Variants in EIF2AK3 observed in about 807,000 individuals in gnomAD.
EIF2AK3 encodes eukaryotic translation initiation factor 2-alpha kinase 3.
Under a neutral mutation model 113.5 loss-of-function variants are expected in EIF2AK3, and 50 were observed. That is an observed-to-expected ratio of 0.44 (90% confidence interval 0.35 to 0.56). EIF2AK3 has a LOEUF of 0.56. Among genes scored for constraint, EIF2AK3 ranks in the 20% least tolerant of loss-of-function variants. EIF2AK3 has a pLI of 0.00. For missense variants in EIF2AK3, 1,185 were observed against 1,378.0 expected, an observed-to-expected ratio of 0.86 and a Z score of 2.22; for synonymous variants, 448 against 495.4, an observed-to-expected ratio of 0.90 and a Z score of 1.27.
chr2:88,590,319 G>T, intron 6 of EIF2AK3, 124 bp downstream of exon 6: 1 of 960,340 alleles, frequency 1.0e-6, no homozygotes, highest in Non-Finnish European at 1.6e-6. Context: ...CAAGGGCAAC[G>T]TACATCAGAG....
In EIF2AK3 at chr2:88,558,937, TA is replaced by T; in HGVS notation, c.3129del (p.Phe1043LeufsTer10). On this transcript the variant is annotated frameshift_variant, in exon 16 of 17. Transcript: ENST00000303236. LOFTEE classifies it high-confidence loss of function. ...CATACCTCACAAGGATATTTCTGAG[TA>T]AATAATGGTGGAAATTTGAGATTTC... ...DVRNLKFPPLFTQKYPCEYVM... is the reference protein window; with the variant it reads ...DVRNLKFPPLXTQKYPCEYVM... The T allele has an allele frequency of 6.3e-7, 1 of 1,597,700 alleles. No individual in the cohort carries two copies. Among genetic ancestry groups the T allele is most frequent in the Non-Finnish European group, 8.6e-7 (1 of 1,165,558 alleles).
In EIF2AK3 at chr2:88,574,887, C is replaced by T; in HGVS notation, c.2596G>A (p.Asp866Asn). ...SPPRPTTLSL[D>N]LTKNTTEKLQ... ...TTTTCTGTGGTGTTTTTAGTGAGATCTAAACTTAAAGTGGTTGGTCTTGGA... is the reference window on the plus strand; with the variant it reads ...TTTTCTGTGGTGTTTTTAGTGAGATTTAAACTTAAAGTGGTTGGTCTTGGA... Residue 866 changes from aspartate to asparagine, a missense_variant, in exon 13 of 17, where the codon GAT becomes AAT. Asp to Asn is a conservative substitution (Grantham distance 23). Around this residue, in one of 3 missense-constraint regions of EIF2AK3, gnomAD observed 877 missense variants for 1,024.2 expected, o/e 0.86. Coordinates refer to ENST00000303236, the MANE Select transcript of EIF2AK3 (RefSeq NM_004836.7). The T allele has an allele frequency of 6.2e-7, 1 of 1,614,146 alleles. No homozygotes were observed. Among genetic ancestry groups the T allele is most frequent in the South Asian group, 1.1e-5 (1 of 91,078 alleles).
chr2:88,617,469 T>C (rs901366292), intron 1 of EIF2AK3, among the ~76,000 whole-genome samples: 9 of 152,064 alleles, frequency 5.9e-5, no homozygotes, highest in African/African-American at 2.2e-4. Flanking sequence ...ATGGGAGCAA[T>C]AGACACTGCA....
intron 9 of EIF2AK3, among the ~76,000 whole-genome samples, chr2:88,584,164 C>T (rs371791593): frequency 3.4e-4 from 51 of 152,214 alleles, no homozygotes; most frequent in African/African-American, 1.2e-3. Flanking sequence ...GTGCCAAGCA[C>T]TGTGTAAGGG....
At position 88,557,376 on chromosome 2, in the gene EIF2AK3, G is replaced by A. The variant is rs551581209; in HGVS notation, c.*360C>T. 27 of 242,634 alleles carry A rather than the reference G, an allele frequency of 1.1e-4. No individual in the cohort carries two copies. The highest frequency in any genetic ancestry group is 1.9e-4 in the Non-Finnish European group (23 of 122,230). 15.0% of individuals were successfully genotyped at this position (242,634 alleles called of 1,614,324 possible). A position where few individuals can be genotyped will look rare whatever the true frequency, so the allele number is the denominator to read the frequency against. ...AGAACAATACAGTTACCACACAGGG[G>A]GACTTTCCTTCTTCTGCATTATAAA... On this transcript the variant is annotated 3_prime_UTR_variant, in exon 17 of 17. Transcript: ENST00000303236.
At chr2:88,622,338 A>G (rs768527380) in intron 1 of EIF2AK3, among the ~76,000 whole-genome samples, 1 of 152,254 alleles carries the variant, frequency 6.6e-6, no homozygotes, top group East Asian at 1.9e-4. Context: ...ATAAAAATGT[A>G]TAAGAAGTTC....
Position 88,583,205 on chromosome 2 carries a change from C to T in EIF2AK3, c.1763+225G>A, listed in dbSNP as rs924561010. 5.3e-5 allele frequency among the ~76,000 whole-genome samples: 8 copies of T among 152,158 alleles called. No individual in the cohort carries two copies. In the East Asian group the frequency reaches 1.3e-3, roughly 26 times the overall value. Reference sequence around the variant, plus strand: ...AATAACTAAGTTACTTGAATAAGAACTTAATTTGGTAGCTGAAATTCTAAA... The same window carrying T: ...AATAACTAAGTTACTTGAATAAGAATTTAATTTGGTAGCTGAAATTCTAAA... On this transcript the variant is annotated intron_variant, in intron 10 of 16. Transcript: ENST00000303236.
intron 2 of EIF2AK3, among the ~76,000 whole-genome samples, chr2:88,602,774 G>C (rs775424366): frequency 2.0e-5 from 3 of 151,942 alleles, no homozygotes; most frequent in Non-Finnish European, 2.9e-5. Context: ...ACACAGGGAG[G>C]GGAACAACAC....
chr2:88,605,582 G>A (rs1675250265), intron 2 of EIF2AK3, among the ~76,000 whole-genome samples: 1 of 151,832 alleles, frequency 6.6e-6, no homozygotes. Flanking sequence ...AAACTCTAAC[G>A]GATTGAAAGT....
intron 1 of EIF2AK3, among the ~76,000 whole-genome samples, chr2:88,623,355 T>C (rs375147822): frequency 1.3e-5 from 2 of 152,310 alleles, no homozygotes; most frequent in East Asian, 3.9e-4. Context: ...AAAACAAGTT[T>C]ATTTTAGCTA....
rs1259281305 is a variant in EIF2AK3, at chr2:88,588,880, T to C, written c.1187A>G (p.Tyr396Cys). 1.2e-6 allele frequency: 2 copies of C among 1,613,832 alleles called. No homozygotes were observed. The highest frequency in any genetic ancestry group is 3.3e-5 in the Admixed American group (2 of 60,026). The change falls in exon 7 of 17, where the codon TAT becomes TGT. Residue 396 changes from tyrosine (Y) to cysteine (C), a missense_variant. Physicochemically the swap from Tyr to Cys is radical, Grantham distance 194 (BLOSUM62 -2). This residue lies in a region of EIF2AK3 where 877 missense variants were observed against 1,024.2 expected (regional missense o/e 0.86). Coordinates refer to ENST00000303236, the MANE Select transcript of EIF2AK3 (RefSeq NM_004836.7). Reference sequence around the variant, plus strand: ...TGAAATTCTGACTGATGACTGCAGATACAGCTGGCCTCTATACATTCCTGA... The same window carrying C: ...TGAAATTCTGACTGATGACTGCAGACACAGCTGGCCTCTATACATTCCTGA... ...VYLGMYRGQL[Y>C]LQSSVRISEK... is the part of the protein sequence containing the mutation.
rs1673785550 is a variant in EIF2AK3, at chr2:88,556,748, A to T, written c.*988T>A. The T allele has an allele frequency of 6.6e-6, 1 of 152,234 alleles. No individual in the cohort carries two copies. The highest frequency in any genetic ancestry group is 2.4e-5 in the African/African-American group (1 of 41,464). The allele number at this position is 152,234 out of a possible 1,614,324, so 9.4% of individuals were successfully genotyped here. A position where few individuals can be genotyped will look rare whatever the true frequency, so the allele number is the denominator to read the frequency against. ...AAATAAGAGTCAACATACTTAATTT[A>T]AAAAAAGTTTTATTAAATCATTTAG... On this transcript the variant is annotated 3_prime_UTR_variant, in exon 17 of 17. Coordinates refer to ENST00000303236, the MANE Select transcript of EIF2AK3 (RefSeq NM_004836.7).
intron 2 of EIF2AK3, among the ~76,000 whole-genome samples, chr2:88,605,384 G>A (rs905040572): frequency 5.3e-5 from 8 of 152,254 alleles, no homozygotes; most frequent in South Asian, 2.1e-4. Context: ...AATTAAAGGC[G>A]GGAGCAGACA....
intron 2 of EIF2AK3, among the ~76,000 whole-genome samples, chr2:88,600,985 A>G (rs1030279126): frequency 2.0e-5 from 3 of 152,228 alleles, no homozygotes; most frequent in South Asian, 2.1e-4. Flanking sequence ...ATAAATCCCC[A>G]TGTATCTATC....
At position 88,590,523 on chromosome 2, in the gene EIF2AK3, G is replaced by A. The variant is rs1674857627; in HGVS notation, c.1085C>T (p.Thr362Ile). ...PISLFDDTSYTSNDDVLEDEE... is the reference protein window; with the variant it reads ...PISLFDDTSYISNDDVLEDEE... Reference sequence around the variant, plus strand: ...ATCTTCTAAAACATCATCATTAGATGTATAACTTGTATCATCAAAAAGACT... The same window carrying A: ...ATCTTCTAAAACATCATCATTAGATATATAACTTGTATCATCAAAAAGACT... Residue 362 changes from threonine (T) to isoleucine (I), a missense_variant, in exon 6 of 17, where the codon ACA becomes ATA. Transcript: ENST00000303236. The A allele has an allele frequency of 1.2e-6, 2 of 1,613,630 alleles. No individual in the cohort carries two copies. Among genetic ancestry groups the A allele is most frequent in the Non-Finnish European group, 1.7e-6 (2 of 1,179,904 alleles).
intron 5 of EIF2AK3, 103 bp downstream of exon 5, chr2:88,590,715 C>T (rs917218692): frequency 1.9e-6 from 3 of 1,565,218 alleles, no homozygotes; most frequent in South Asian, 1.1e-5. Flanking sequence ...AGAGAACAAG[C>T]TGAGAGCCCC....
intron 4 of EIF2AK3, among the ~76,000 whole-genome samples, chr2:88,592,999 G>C (rs971096050): frequency 2.0e-5 from 3 of 152,044 alleles, no homozygotes; most frequent in African/African-American, 7.3e-5. Flanking sequence ...AAAATTAGTT[G>C]GGTGTGGTGG....
Position 88,575,138 on chromosome 2 carries a change from C to T in EIF2AK3, c.2345G>A (p.Gly782Glu), listed in dbSNP as rs1420157803. The change falls in exon 13 of 17, where the codon GGG becomes GAG. Residue 782 changes from glycine (G) to glutamate (E), a missense_variant. This residue lies in a region of EIF2AK3 where 877 missense variants were observed against 1,024.2 expected (regional missense o/e 0.86). Transcript: ENST00000303236. ...AGAAGGACAAAGTTCAAAGGAGTGC[C>T]CCTCATCATTGCCATCCATAGTCCC... ...EDGTMDGNDE[G>E]HSFELCPSEA... The T allele has an allele frequency of 1.2e-6, 2 of 1,614,100 alleles. No individual in the cohort carries two copies. The highest frequency in any genetic ancestry group is 2.2e-5 in the East Asian group (1 of 44,880).
chr2:88,593,811 T>C (rs946627521), intron 3 of EIF2AK3: 2 of 826,740 alleles, frequency 2.4e-6, no homozygotes, highest in Non-Finnish European at 2.9e-6. Flanking sequence ...TTGAAACTTT[T>C]CTGAGAGCTT....
Sources: allele counts gnomAD v4.1 joint callset (sites outside exome capture counted in the v4.1 genomes callset), GRCh38; gene constraint gnomAD v4.1.1; regional missense constraint gnomAD v4.1.1; transcripts MANE v1.5; gene names NCBI Gene and HGNC (gene_info 2026-07-23, HGNC 2026-07-21).